The following ATP2A3 variants were observed in gnomAD, a reference collection of about 807,000 sequenced individuals.
The protein encoded by ATP2A3 is sarcoplasmic/endoplasmic reticulum calcium ATPase 3.
In ATP2A3, 61 loss-of-function variants were observed where a neutral mutation model predicts 106.8. The ratio of observed to expected loss-of-function variants is 0.57; its 90% CI spans 0.46 to 0.71. The LOEUF (loss-of-function observed/expected upper bound fraction) is 0.71, where lower values mean the gene tolerates loss of function less well. Among genes scored for constraint, ATP2A3 ranks in the 30% least tolerant of loss-of-function variants. The probability of loss-of-function intolerance (pLI) is 0.00; values close to 1 mark genes in which losing one functional copy is unlikely to be tolerated. For synonymous variants in ATP2A3, 611 were observed against 609.3 expected (o/e 1.00, Z -0.04); for missense variants, 1,201 against 1,423.5 (o/e 0.84, Z 2.52).
intron 5 of ATP2A3, 117 bp from the exon 6 acceptor site, chr17:3,950,890 C>T (rs761324633): frequency 3.9e-6 from 4 of 1,027,440 alleles, no homozygotes; most frequent in Admixed American, 2.0e-5. Flanking sequence ...GAGCTGTGAT[C>T]GCTCTGGTGA....
At chr17:3,938,521 G>C (rs1015708036) in intron 14 of ATP2A3, among the ~76,000 whole-genome samples, 1 of 152,092 alleles carries the variant, frequency 6.6e-6, no homozygotes, top group East Asian at 1.9e-4. Context: ...TTGAGAATAA[G>C]GTCTTGGTCC....
chr17:3,940,797 C>T (rs934995762), intron 14 of ATP2A3, among the ~76,000 whole-genome samples, 174 bp downstream of exon 14: 6 of 152,218 alleles, frequency 3.9e-5, no homozygotes, highest in Non-Finnish European at 5.9e-5. Flanking sequence ...TGTGAGCCAC[C>T]GCGCCTGGCC....
rs765322705 is a variant in ATP2A3, at chr17:3,947,838, C to G, written c.648G>C (p.Ser216=). 2.5e-6 allele frequency: 4 copies of G among 1,598,630 alleles called. No homozygotes were observed. The African/African-American group carries it at 4.0e-5, about 16-fold the overall frequency. ...CCACGGCCACACCCACCGCTTTGCC[C>G]GATGTGATATTGGTGCCCTGGCCAG... The part of the protein sequence containing the change: ...NMLFSGTNIT[S]GKAVGVAVAT... Residue 216 remains serine, a synonymous_variant, in exon 8 of 21, where the codon TCG becomes TCC. Transcript: ENST00000397041. The surrounding 1 kb of genome is among the most constrained non-coding windows in gnomAD (Gnocchi z 7.7).
At position 3,951,602 on chromosome 17, in the gene ATP2A3, G is replaced by A. The variant is rs566763519; in HGVS notation, c.303C>T (p.Asn101=). 146 of 1,587,950 alleles carry A rather than the reference G, an allele frequency of 9.2e-5. No homozygotes were observed. Among genetic ancestry groups the A allele is most frequent in the Middle Eastern group, 1.7e-4 (1 of 5,848 alleles). Residue 101 remains asparagine (N), a synonymous_variant, in exon 4 of 21, where the codon AAC becomes AAT. Coordinates refer to ENST00000397041, the MANE Select transcript of ATP2A3 (RefSeq NM_005173.4). ...PLVIMLILVA[N]AIVGVWQERN... ...CCACCTGCCACACGCCCACAATGGC[G>A]TTGGCCACGAGGATCAGCATGATGA...
intron 20 of ATP2A3, chr17:3,927,752 C>T (rs2052791527): frequency 1.0e-6 from 1 of 985,082 alleles, no homozygotes; most frequent in African/African-American, 1.7e-5. Flanking sequence ...TGGCCACTCC[C>T]TGGACAGGCC....
rs1049850058 is a variant in ATP2A3, at chr17:3,964,142, G to A, written c.118+32C>T. 1.1e-4 allele frequency: 111 copies of A among 991,970 alleles called. No homozygotes were observed. In the African/African-American group the frequency reaches 1.8e-3, roughly 17 times the overall value. 61.4% of individuals were successfully genotyped at this position (991,970 alleles called of 1,614,324 possible). A position where few individuals can be genotyped will look rare whatever the true frequency, so the allele number is the denominator to read the frequency against. On this transcript the variant is annotated intron_variant, in intron 1 of 20. Coordinates refer to ENST00000397041, the MANE Select transcript of ATP2A3 (RefSeq NM_005173.4). ...TGAGACTGCGGCGCGCGCGGCCCCC[G>A]CTCCCCGGCCCGGCCCGGCCCGCGC...
Position 3,943,438 on chromosome 17 carries a change from C to T in ATP2A3, c.1372G>A (p.Asp458Asn), listed in dbSNP as rs9913158. Residue 458 changes from aspartate (D) to asparagine (N), a missense_variant, in exon 11 of 21, where the codon GAC becomes AAC. Asp to Asn is a conservative substitution (Grantham distance 23, BLOSUM62 1). Coordinates refer to ENST00000397041, the MANE Select transcript of ATP2A3 (RefSeq NM_005173.4). ...LVEKMNVFDT[D>N]LQALSRVERA... Reference sequence around the variant, plus strand: ...TCCACCCGGGACAGAGCCTGCAGGTCGGTGTCGAACACGTTCATCTTCTCC... The same window carrying T: ...TCCACCCGGGACAGAGCCTGCAGGTTGGTGTCGAACACGTTCATCTTCTCC... 1.3e-3 allele frequency: 2,118 copies of T among 1,614,104 alleles called. 19 individuals carry two copies. In the African/African-American group the frequency reaches 0.024, roughly 18 times the overall value.
Position 3,936,547 on chromosome 17 carries a change from A to G in ATP2A3, c.2322-78T>C, listed in dbSNP as rs1268185864. The stretch of plus-strand genomic sequence containing the variant: ...CAGGCTCCAGCTCCTGCTCAGACCC[A>G]AGGCTGGGAGCTCACCCACCCACTG... On this transcript the variant is annotated intron_variant, in intron 15 of 20. Coordinates refer to ENST00000397041, the MANE Select transcript of ATP2A3 (RefSeq NM_005173.4). The surrounding 1 kb of genome is among the most constrained non-coding windows in gnomAD (Gnocchi z 5.4). The G allele has an allele frequency of 6.6e-6, 10 of 1,514,352 alleles. No individual in the cohort carries two copies. The East Asian group carries it at 2.0e-4, about 31-fold the overall frequency. The allele number at this position is 1,514,352 out of a possible 1,614,324, so 93.8% of individuals were successfully genotyped here.
At chr17:3,946,222 AAC>A (rs761028895) in intron 8 of ATP2A3, among the ~76,000 whole-genome samples, 64 of 147,796 alleles carry the variant, frequency 4.3e-4, no homozygotes, top group Middle Eastern at 3.6e-3. Context: ...CCAGTCTGGC[AAC>A]AGAGTGAGAC....
In ATP2A3 at chr17:3,926,115, C is replaced by T. The variant is rs941587538; in HGVS notation, c.2981-674G>A. Among the ~76,000 whole-genome samples the T allele has an allele frequency of 6.6e-6, 1 of 152,086 alleles. No homozygotes were observed. Among genetic ancestry groups the T allele is most frequent in the Non-Finnish European group, 1.5e-5 (1 of 68,006 alleles). On this transcript the variant is annotated intron_variant, in intron 20 of 20. Transcript: ENST00000397041. The surrounding 1 kb of genome is among the most constrained non-coding windows in gnomAD (Gnocchi z 4.6). ...GCCAGGAGGTGGGGTGAGAGGACCG[C>T]CCCCAGCCCCCAGGGCTGACCCAGG... is the stretch of plus-strand genomic sequence containing the variant.
Position 3,929,484 on chromosome 17 carries a change from A to G in ATP2A3, c.2745-39T>C, listed in dbSNP as rs945039805. On this transcript the variant is annotated intron_variant, in intron 18 of 20. Transcript: ENST00000397041. The surrounding 1 kb of genome is among the most constrained non-coding windows in gnomAD (Gnocchi z 4.3). ...GGGTGCTCCCCTTAGGCCGGGGTGC[A>G]GGGAGGCCCTGCCAGGCACCCACCC... 3 of 1,540,734 alleles carry G rather than the reference A, an allele frequency of 1.9e-6. No individual in the cohort carries two copies. In the African/African-American group the frequency reaches 4.1e-5, roughly 21 times the overall value.
chr17:3,943,572 C>T (rs762262876), intron 10 of ATP2A3, 50 bp from the exon 11 acceptor site: 36 of 1,611,422 alleles, frequency 2.2e-5, no homozygotes, highest in East Asian at 6.7e-5. Context: ...GCCTCCAGCC[C>T]GCATCCCCAG....
chr17:3,941,374 G>T (rs965352661), intron 13 of ATP2A3, 62 bp downstream of exon 13: 25 of 1,613,544 alleles, frequency 1.5e-5, no homozygotes, highest in Non-Finnish European at 1.5e-5. Context: ...CTCAGCTGCT[G>T]CAGGGAGACT....
At position 3,929,667 on chromosome 17, in the gene ATP2A3, C is replaced by T. The variant is rs1435466390; in HGVS notation, c.2745-222G>A. 6.6e-6 allele frequency among the ~76,000 whole-genome samples: 1 copy of T among 152,138 alleles called. No homozygotes were observed. The highest frequency in any genetic ancestry group is 1.5e-5 in the Non-Finnish European group (1 of 68,020). ...GTTTCAGCCTTCTTTGTCTCCTGGG[C>T]CCCAATTCCGGTCCCCATGAACTCT... On this transcript the variant is annotated intron_variant, in intron 18 of 20. Transcript: ENST00000397041. The surrounding 1 kb of genome is among the most constrained non-coding windows in gnomAD (Gnocchi z 4.3).
chr17:3,930,467 C>T lies in ATP2A3; in HGVS notation c.2611-33G>A. 1 of 1,612,270 alleles carries T rather than the reference C, an allele frequency of 6.2e-7. No individual in the cohort carries two copies. The highest frequency in any genetic ancestry group is 1.3e-5 in the African/African-American group (1 of 75,032). On this transcript the variant is annotated intron_variant, in intron 17 of 20. Coordinates refer to ENST00000397041, the MANE Select transcript of ATP2A3 (RefSeq NM_005173.4). This position sits in a 1 kb window ranked among gnomAD's most constrained non-coding sequence, Gnocchi z 5.4. Reference sequence around the variant, plus strand: ...CACCGTGGCAGGTCAGAGAGAGCGGCAGGTCAGGCGAGGGGCTGGTGGGTG... The same window carrying T: ...CACCGTGGCAGGTCAGAGAGAGCGGTAGGTCAGGCGAGGGGCTGGTGGGTG...
Position 3,935,254 on chromosome 17 carries a change from C to T in ATP2A3, c.2548G>A (p.Ala850Thr), listed in dbSNP as rs1204899852. 6.2e-7 allele frequency: 1 copy of T among 1,613,848 alleles called. No homozygotes were observed. The change falls in exon 17 of 21, where the codon GCT (alanine) becomes ACT (threonine). Residue 850 changes from alanine to threonine, a missense_variant. Coordinates refer to ENST00000397041, the MANE Select transcript of ATP2A3 (RefSeq NM_005173.4). ...TACACAAACCACCAGGTGGCGGCAG[C>T]CACTGTGGCCAGGCCTACGTACACT... ...IGVYVGLATV[A>T]AATWWFVYDA... is the part of the protein sequence containing the mutation.
At chr17:3,959,195 G>A (rs1259042620) in intron 1 of ATP2A3, among the ~76,000 whole-genome samples, 6 of 152,144 alleles carry the variant, frequency 3.9e-5, no homozygotes, top group Non-Finnish European at 8.8e-5. Context: ...CACCGCGCCC[G>A]GCCTTCCTCC....
Position 3,951,553 on chromosome 17 carries a change from G to A in ATP2A3, c.324+28C>T, listed in dbSNP as rs751359506. Reference sequence around the variant, plus strand: ...CCTAGTGGCTGGGAGACCGCCCCCCGCCCGGTCCCACCCCCAGTGCCTCCC... The same window carrying A: ...CCTAGTGGCTGGGAGACCGCCCCCCACCCGGTCCCACCCCCAGTGCCTCCC... On this transcript the variant is annotated intron_variant, in intron 4 of 20. Coordinates refer to ENST00000397041, the MANE Select transcript of ATP2A3 (RefSeq NM_005173.4). The A allele has an allele frequency of 7.9e-4, 514 of 651,604 alleles. 14 individuals are homozygous for A. In the South Asian group the frequency reaches 0.013, roughly 16 times the overall value. The allele number at this position is 651,604 out of a possible 1,614,324, so 40.4% of individuals were successfully genotyped here.
At position 3,944,763 on chromosome 17, in the gene ATP2A3, G is replaced by A. The variant is rs767900096; in HGVS notation, c.1228C>T (p.Leu410=). ...QPVRCGQFDG[L]VELATICALC... is the part of the protein sequence containing the mutation. ...GCGCAGATGGTCGCCAGCTCCACCAGCCCGTCGAACTGGCCGCAGCGCACA... is the reference window on the plus strand; with the variant it reads ...GCGCAGATGGTCGCCAGCTCCACCAACCCGTCGAACTGGCCGCAGCGCACA... The change falls in exon 10 of 21, where the codon CTG becomes TTG. Residue 410 remains leucine, a synonymous_variant. Transcript: ENST00000397041. 2 of 1,612,986 alleles carry A rather than the reference G, an allele frequency of 1.2e-6. No homozygotes were observed. The highest frequency in any genetic ancestry group is 1.1e-5 in the South Asian group (1 of 91,056).
Sources: gnomAD v4.1 joint callset for allele counts (sites outside exome capture counted in the v4.1 genomes callset) on GRCh38, gnomAD v4.1.1 for gene constraint, Gnocchi (gnomAD v3.1) non-coding constraint, MANE v1.5 for transcripts, NCBI Gene and HGNC (gene_info 2026-07-23, HGNC 2026-07-21) for gene names.